The following CEPT1 variants were observed in gnomAD, a reference collection of about 807,000 sequenced individuals.
The protein encoded by CEPT1 is choline/ethanolamine phosphotransferase 1.
Under a neutral mutation model 42.6 loss-of-function variants are expected in CEPT1, and 7 were observed. The ratio of observed to expected loss-of-function variants is 0.16; its 90% CI spans 0.09 to 0.31. CEPT1 has a LOEUF of 0.31. Ranked by LOEUF, CEPT1 falls within the 10% of genes least tolerant of loss-of-function variation. The pLI is 1.00. For missense variants in CEPT1, 306 were observed against 502.1 expected, an observed-to-expected ratio of 0.61 and a Z score of 3.73; for synonymous variants, 171 against 171.9, an observed-to-expected ratio of 0.99 and a Z score of 0.04.
chr1:111,184,036 A>G (rs184472122), intron 8 of CEPT1, among the ~76,000 whole-genome samples, 155 bp from the exon 9 acceptor site: 3 of 152,308 alleles, frequency 2.0e-5, no homozygotes, highest in African/African-American at 7.2e-5. Context: ...CTCTCTAACA[A>G]AGAGTTTGTA....
rs147464121 is a variant in CEPT1, at chr1:111,150,008, G to A, written c.339+1955G>A. Among the ~76,000 whole-genome samples the A allele has an allele frequency of 4.8e-3, 730 of 152,332 alleles. 6 individuals are homozygous for A. The highest frequency in any genetic ancestry group is 0.016 in the African/African-American group (681 of 41,576). On this transcript the variant is annotated intron_variant, in intron 2 of 8. Transcript: ENST00000357172. ...CTTTAGGGAGACTTCCAGAATGGAA[G>A]CTATTCTTTTCACTAGTTGTGATGG...
At chr1:111,164,781 G>A (rs1372830889) in intron 4 of CEPT1, among the ~76,000 whole-genome samples, 1 of 151,696 alleles carries the variant, frequency 6.6e-6, no homozygotes, top group East Asian at 2.0e-4. Flanking sequence ...CTGCCACCAT[G>A]CCCAGCTAGT....
rs1656191996 is a variant in CEPT1, at chr1:111,167,383, T to G, written c.629+6087T>G. The G allele has an allele frequency of 5.3e-6, 5 of 937,008 alleles. No individual in the cohort carries two copies. The South Asian group carries it at 1.5e-4, about 28-fold the overall frequency. 58.0% of individuals were successfully genotyped at this position (937,008 alleles called of 1,614,324 possible). A position where few individuals can be genotyped will look rare whatever the true frequency, so the allele number is the denominator to read the frequency against. On this transcript the variant is annotated intron_variant, in intron 4 of 8. Coordinates refer to ENST00000357172, the MANE Select transcript of CEPT1 (RefSeq NM_006090.5). ...AAAAATCCACCCTATTAAATAAAATTTTTAAAAAGTGGTATTTCTGGTGAT... is the reference window on the plus strand; with the variant it reads ...AAAAATCCACCCTATTAAATAAAATGTTTAAAAAGTGGTATTTCTGGTGAT...
chr1:111,159,950 G>A (rs1655783409), intron 3 of CEPT1: 1 of 154,086 alleles, frequency 6.5e-6, no homozygotes, highest in Admixed American at 6.5e-5. Context: ...GAAAGACTAT[G>A]ACAAATTAGG....
At chr1:111,159,343 G>T in intron 2 of CEPT1, 37 bp from the exon 3 acceptor site, 1 of 1,589,338 alleles carries the variant, frequency 6.3e-7, no homozygotes, top group Non-Finnish European at 8.5e-7. Context: ...GTAACTGTGT[G>T]TCTGAATACT....
chr1:111,155,895 A>G (rs1257170701), intron 2 of CEPT1, among the ~76,000 whole-genome samples: 2 of 151,416 alleles, frequency 1.3e-5, no homozygotes, highest in Non-Finnish European at 3.0e-5. Flanking sequence ...GTGTATATGT[A>G]TATATATATT....
intron 1 of CEPT1, among the ~76,000 whole-genome samples, chr1:111,144,362 T>G (rs1181140446): frequency 6.6e-6 from 1 of 152,254 alleles, no homozygotes; most frequent in Non-Finnish European, 1.5e-5. Flanking sequence ...AATTTATATT[T>G]GCAGTGTTGT....
intron 8 of CEPT1, 133 bp from the exon 9 acceptor site, chr1:111,184,058 G>A (rs569074108): frequency 2.1e-6 from 2 of 948,430 alleles, no homozygotes; most frequent in African/African-American, 1.6e-5. Context: ...GTGAAGGAAA[G>A]ATTGCAAGGA....
rs540950326 is a variant in CEPT1 at position 111,141,174 on chromosome 1, C to T, written c.-74+867C>T. Among the ~76,000 whole-genome samples, 5 of 152,272 alleles carry T rather than the reference C, an allele frequency of 3.3e-5. No homozygotes were observed. The South Asian group carries it at 1.0e-3, about 32-fold the overall frequency. Reference sequence around the variant, plus strand: ...TGGACAAAGAATAAAGATTTATTTCCTACTCGAACTATTAGGAATATGTCC... The same window carrying T: ...TGGACAAAGAATAAAGATTTATTTCTTACTCGAACTATTAGGAATATGTCC... On this transcript the variant is annotated intron_variant, in intron 1 of 8. Transcript: ENST00000357172.
intron 2 of CEPT1, 25 bp from the exon 3 acceptor site, chr1:111,159,355 T>C: frequency 6.3e-7 from 1 of 1,597,694 alleles, no homozygotes; most frequent in Non-Finnish European, 8.5e-7. Context: ...CTGAATACTC[T>C]TGCCTTTCTT....
Position 111,184,538 on chromosome 1 carries a change from C to A in CEPT1, c.*228C>A. The A allele has an allele frequency of 5.8e-6, 2 of 343,712 alleles. No individual in the cohort carries two copies. Among genetic ancestry groups the A allele is most frequent in the South Asian group, 5.0e-5 (1 of 19,912 alleles). 21.3% of individuals were successfully genotyped at this position (343,712 alleles called of 1,614,324 possible). Reference sequence around the variant, plus strand: ...TCATGCAGGGTTTGGGCCAAGAAAGCATGCAGAAAAAAATGCCATGTGATT... The same window carrying A: ...TCATGCAGGGTTTGGGCCAAGAAAGAATGCAGAAAAAAATGCCATGTGATT... On this transcript the variant is annotated 3_prime_UTR_variant, in exon 9 of 9. Transcript: ENST00000357172.
At chr1:111,162,901 G>C (rs1301670679) in intron 4 of CEPT1, among the ~76,000 whole-genome samples, 1 of 152,204 alleles carries the variant, frequency 6.6e-6, no homozygotes, top group Non-Finnish European at 1.5e-5. Context: ...ATGTGAAGGA[G>C]AGAAGCATTG....
rs544983077 is a variant in CEPT1, at chr1:111,173,652, T to C, written c.630-1227T>C. ...ATACAGTGAAAAGTCTCCTCATTCT[T>C]ATTTCCCAGCTCCCCAGTTTCTATA... On this transcript the variant is annotated intron_variant, in intron 4 of 8. Coordinates refer to ENST00000357172, the MANE Select transcript of CEPT1 (RefSeq NM_006090.5). 3.3e-5 allele frequency among the ~76,000 whole-genome samples: 5 copies of C among 152,308 alleles called. No homozygotes were observed. The East Asian group carries it at 7.7e-4, about 23-fold the overall frequency.
At chr1:111,162,530 C>T (rs1360944941) in intron 4 of CEPT1, among the ~76,000 whole-genome samples, 3 of 152,034 alleles carry the variant, frequency 2.0e-5, no homozygotes, top group Non-Finnish European at 2.9e-5. Context: ...GAGCAGTCTA[C>T]CCAGAAACAT....
At chr1:111,142,654 C>CTAAAT (rs966698819) in intron 1 of CEPT1, among the ~76,000 whole-genome samples, 2 of 152,026 alleles carry the variant, frequency 1.3e-5, no homozygotes, top group African/African-American at 2.4e-5. Flanking sequence ...TCCTGTCTCA[C>CTAAAT]TAAATTAAAT....
In CEPT1 at chr1:111,173,483, T is replaced by G. The variant is rs113743697; in HGVS notation, c.630-1396T>G. On this transcript the variant is annotated intron_variant, in intron 4 of 8. Coordinates refer to ENST00000357172, the MANE Select transcript of CEPT1 (RefSeq NM_006090.5). ...TGTATCTTAAACTCACATTACAGATTATCTGCTTTACATATTTTTAGAAAT... is the reference window on the plus strand; with the variant it reads ...TGTATCTTAAACTCACATTACAGATGATCTGCTTTACATATTTTTAGAAAT... 6.9e-3 allele frequency among the ~76,000 whole-genome samples: 1,048 copies of G among 152,254 alleles called. 14 individuals carry two copies. Among genetic ancestry groups the G allele is most frequent in the African/African-American group, 0.021 (875 of 41,562 alleles).
At position 111,163,986 on chromosome 1, in the gene CEPT1, AAAT is replaced by A. The variant is rs1463603395; in HGVS notation, c.629+2694_629+2696del. Reference sequence around the variant, plus strand: ...TTTTGATGTTTACATACATAAGTGAAAATAATGAGAATTTCTTTTTTATTTATA... The same window carrying A: ...TTTTGATGTTTACATACATAAGTGAAAATGAGAATTTCTTTTTTATTTATA... On this transcript the variant is annotated intron_variant, in intron 4 of 8. Coordinates refer to ENST00000357172, the MANE Select transcript of CEPT1 (RefSeq NM_006090.5). Among the ~76,000 whole-genome samples, 5 of 152,294 alleles carry A rather than the reference AAAT, an allele frequency of 3.3e-5. No homozygotes were observed. In the Middle Eastern group the frequency reaches 0.01, roughly 311 times the overall value.
intron 5 of CEPT1, among the ~76,000 whole-genome samples, chr1:111,175,580 T>TGA (rs1156735071): frequency 1.3e-5 from 2 of 152,218 alleles, no homozygotes; most frequent in Admixed American, 6.5e-5. Context: ...TTCCATGGCC[T>TGA]ACTGTGTGAA....
At chr1:111,181,516 T>G (rs1213508495) in intron 5 of CEPT1, 1 of 152,242 alleles carries the variant, frequency 6.6e-6, no homozygotes, top group African/African-American at 2.4e-5. Context: ...TATTATTCAC[T>G]TTTCTGAAAA....
Sources: allele counts gnomAD v4.1 joint callset (sites outside exome capture counted in the v4.1 genomes callset), GRCh38; gene constraint gnomAD v4.1.1; transcripts MANE v1.5; gene names NCBI Gene and HGNC (gene_info 2026-07-23, HGNC 2026-07-21).